Variants in ZDHHC2 observed in about 807,000 individuals in gnomAD.
ZDHHC2 encodes the protein palmitoyltransferase ZDHHC2.
A neutral mutation model predicts 55.6 loss-of-function variants in ZDHHC2; 51 were observed. The observed-to-expected ratio is 0.92, with a 90% confidence interval of 0.73 to 1.16. The LOEUF (loss-of-function observed/expected upper bound fraction) is 1.16. ZDHHC2 is among the 50% of genes most tolerant of loss of function. The pLI is 0.00. For synonymous variants in ZDHHC2, 199 were observed against 152.9 expected, an observed-to-expected ratio of 1.30 and a Z score of -2.22; for missense variants, 491 against 442.4, an observed-to-expected ratio of 1.11 and a Z score of -0.99.
chr8:17,217,200 A>G lies in ZDHHC2; in HGVS notation c.1092A>G (p.Glu364=), dbSNP rs1481297593. The change falls in exon 12 of 13, where the codon GAA becomes GAG. Residue 364 remains glutamate (E), a synonymous_variant. Coordinates refer to ENST00000262096, the MANE Select transcript of ZDHHC2 (RefSeq NM_016353.5). ...AGMSNPALTM[E]NET Reference sequence around the variant, plus strand: ...TGAGCAATCCTGCATTAACCATGGAAAATGAGACTTAACTCTTCAAGCAAG... The same window carrying G: ...TGAGCAATCCTGCATTAACCATGGAGAATGAGACTTAACTCTTCAAGCAAG... 1.2e-6 allele frequency: 2 copies of G among 1,611,162 alleles called. No individual in the cohort carries two copies. The highest frequency in any genetic ancestry group is 1.7e-5 in the Admixed American group (1 of 59,644).
intron 3 of ZDHHC2, among the ~76,000 whole-genome samples, chr8:17,188,648 C>A (rs1443320813): frequency 6.6e-6 from 1 of 152,102 alleles, no homozygotes; most frequent in Non-Finnish European, 1.5e-5. Flanking sequence ...TTTATTCCCT[C>A]GTGGATTTCA....
At chr8:17,210,912 CCTT>C (rs993305101) in intron 10 of ZDHHC2, among the ~76,000 whole-genome samples, 3 of 152,092 alleles carry the variant, frequency 2.0e-5, no homozygotes, top group African/African-American at 7.2e-5. Flanking sequence ...CCCCCAGACA[CCTT>C]CTTGACAACT....
At chr8:17,192,529 T>C (rs1806086549) in intron 3 of ZDHHC2, among the ~76,000 whole-genome samples, 1 of 152,222 alleles carries the variant, frequency 6.6e-6, no homozygotes, top group African/African-American at 2.4e-5. Context: ...ATTAATCCTT[T>C]ATCAAATGGG....
At chr8:17,190,334 C>A (rs1028366515) in intron 3 of ZDHHC2, among the ~76,000 whole-genome samples, 1 of 151,694 alleles carries the variant, frequency 6.6e-6, no homozygotes, top group Non-Finnish European at 1.5e-5. Flanking sequence ...TAATTTTTTA[C>A]GGTTAGGGGA....
intron 8 of ZDHHC2, among the ~76,000 whole-genome samples, chr8:17,208,642 A>G (rs988667762): frequency 1.3e-5 from 2 of 152,156 alleles, no homozygotes; most frequent in African/African-American, 2.4e-5. Flanking sequence ...TGGGTAGTCA[A>G]TTAGTGTTCA....
intron 10 of ZDHHC2, among the ~76,000 whole-genome samples, chr8:17,211,538 G>T (rs1807385073): frequency 6.6e-6 from 1 of 152,148 alleles, no homozygotes; most frequent in African/African-American, 2.4e-5. Flanking sequence ...CACCCAGGCT[G>T]GAGTGCAGTG....
At chr8:17,218,145 G>A (rs958332875) in intron 12 of ZDHHC2, among the ~76,000 whole-genome samples, 1 of 152,182 alleles carries the variant, frequency 6.6e-6, no homozygotes, top group Non-Finnish European at 1.5e-5. Flanking sequence ...CTGATTTTGG[G>A]AAGAGCAGGA....
chr8:17,210,048 A>G lies in ZDHHC2; in HGVS notation c.847A>G (p.Ile283Val). Reference protein sequence around the residue: ...GDEKKYWLLPIFSSLGDGCSF... With the variant: ...GDEKKYWLLPVFSSLGDGCSF... ...TGAGAAGAAGTACTGGTTGCTACCCATTTTTTCAAGGTACTTCTTTGTTAA... is the reference window on the plus strand; with the variant it reads ...TGAGAAGAAGTACTGGTTGCTACCCGTTTTTTCAAGGTACTTCTTTGTTAA... Residue 283 changes from isoleucine to valine, a missense_variant, in exon 9 of 13, where the codon ATT becomes GTT. Transcript: ENST00000262096. The G allele has an allele frequency of 1.2e-6, 2 of 1,600,122 alleles. No homozygotes were observed. The highest frequency in any genetic ancestry group is 1.1e-5 in the South Asian group (1 of 88,912).
rs1807984708 is a variant in ZDHHC2, at chr8:17,222,993, C to T, written c.*2772C>T. ...CAATAGACAACTATTGGAAATATGG[C>T]ATATGTTGACAAACACTTAACTAGG... On this transcript the variant is annotated 3_prime_UTR_variant, in exon 13 of 13. Transcript: ENST00000262096. The T allele has an allele frequency of 6.6e-6, 1 of 151,754 alleles. No individual in the cohort carries two copies. The highest frequency in any genetic ancestry group is 2.4e-5 in the African/African-American group (1 of 41,354). 9.4% of individuals were successfully genotyped at this position (151,754 alleles called of 1,614,324 possible). A position where few individuals can be genotyped will look rare whatever the true frequency, so the allele number is the denominator to read the frequency against.
chr8:17,157,135 C>T (rs1471103712), intron 1 of ZDHHC2, among the ~76,000 whole-genome samples: 1 of 152,150 alleles, frequency 6.6e-6, no homozygotes, highest in African/African-American at 2.4e-5. Context: ...CCGCCTCGGC[C>T]ACACCCCCTA....
At chr8:17,181,970 C>G (rs1402752984) in intron 1 of ZDHHC2, among the ~76,000 whole-genome samples, 1 of 152,068 alleles carries the variant, frequency 6.6e-6, no homozygotes, top group Non-Finnish European at 1.5e-5. Flanking sequence ...AGAAAGGAAA[C>G]TTTGAACTTG....
intron 10 of ZDHHC2, among the ~76,000 whole-genome samples, chr8:17,213,266 T>C (rs935601033): frequency 6.6e-6 from 1 of 152,070 alleles, no homozygotes; most frequent in Non-Finnish European, 1.5e-5. Context: ...TCTTTTTTTT[T>C]CTTTTTTGAG....
At chr8:17,207,729 T>A (rs1807172484) in intron 7 of ZDHHC2, among the ~76,000 whole-genome samples, 1 of 152,072 alleles carries the variant, frequency 6.6e-6, no homozygotes, top group Non-Finnish European at 1.5e-5. Flanking sequence ...AAAACACAGT[T>A]TATATTCCAA....
At chr8:17,217,121 C>G in intron 11 of ZDHHC2, 51 bp from the exon 12 acceptor site, 1 of 1,582,706 alleles carries the variant, frequency 6.3e-7, no homozygotes, top group Non-Finnish European at 8.6e-7. Context: ...GAAGTTTCTG[C>G]CTATTTGTTC....
rs560700084 is a variant in ZDHHC2 at position 17,184,200 on chromosome 8, A to G, written c.131-589A>G. 1.1e-4 allele frequency among the ~76,000 whole-genome samples: 17 copies of G among 152,304 alleles called. No homozygotes were observed. The South Asian group carries it at 1.7e-3, about 15-fold the overall frequency. ...GTGCTTGTGGCCCCTGTCCTCATCT[A>G]TAATACCTGCTAGCTTGGAATATTT... On this transcript the variant is annotated intron_variant, in intron 1 of 12. Coordinates refer to ENST00000262096, the MANE Select transcript of ZDHHC2 (RefSeq NM_016353.5).
chr8:17,204,870 G>A (rs1027505389), intron 6 of ZDHHC2, among the ~76,000 whole-genome samples: 1 of 151,900 alleles, frequency 6.6e-6, no homozygotes. Context: ...AAAAGAAAGT[G>A]AGCCTATAAA....
intron 1 of ZDHHC2, among the ~76,000 whole-genome samples, chr8:17,173,232 G>A (rs1400270776): frequency 6.6e-6 from 1 of 152,188 alleles, no homozygotes; most frequent in African/African-American, 2.4e-5. Flanking sequence ...TATGAGTTTT[G>A]GGGCCAAACA....
At chr8:17,199,509 T>TTCTTCTTCTTCTTCTTCATCTTCG (rs1297662337) in intron 6 of ZDHHC2, among the ~76,000 whole-genome samples, 10 of 121,116 alleles carry the variant, frequency 8.3e-5, no homozygotes, top group African/African-American at 3.7e-4. Context: ...CTTCTTCTTC[T>TTCTTCTTCTTCTTCTTCATCTTCG]TCTTCGTCTT....
chr8:17,188,857 T>C (rs1343631181), intron 3 of ZDHHC2, among the ~76,000 whole-genome samples: 1 of 152,232 alleles, frequency 6.6e-6, no homozygotes, highest in Non-Finnish European at 1.5e-5. Flanking sequence ...TAAAGTTTTC[T>C]TATGTCAGTA....
Sources: gnomAD v4.1 joint callset for allele counts (sites outside exome capture counted in the v4.1 genomes callset) on GRCh38, gnomAD v4.1.1 for gene constraint, MANE v1.5 for transcripts, NCBI Gene and HGNC (gene_info 2026-07-23, HGNC 2026-07-21) for gene names.